Variants in CMTR1 observed in about 807,000 individuals in gnomAD.
The protein encoded by CMTR1 is cap-specific mRNA (nucleoside-2'-O-)-methyltransferase 1.
In CMTR1, 39 loss-of-function variants were observed where a neutral mutation model predicts 107.0. The observed-to-expected ratio is 0.36, with a 90% CI of 0.28 to 0.48. The LOEUF is 0.48. CMTR1 is among the 20% of genes least tolerant of loss of function. The pLI is 0.99. For missense variants in CMTR1, 672 were observed against 1,064.9 expected, an observed-to-expected ratio of 0.63 and a Z score of 5.14; for synonymous variants, 366 against 379.5, an observed-to-expected ratio of 0.96 and a Z score of 0.41.
chr6:37,436,198 T>C (rs1771527525), intron 2 of CMTR1: 1 of 155,068 alleles, frequency 6.4e-6, no homozygotes, highest in Non-Finnish European at 1.4e-5. Context: ...TCAGCGGTTG[T>C]GGTCAGAAGT....
At chr6:37,450,152 C>A in intron 4 of CMTR1, 99 bp from the exon 5 acceptor site, 2 of 1,017,164 alleles carry the variant, frequency 2.0e-6, no homozygotes, top group Non-Finnish European at 3.1e-6. Flanking sequence ...CTCGGTCTGT[C>A]TCAGTCCCTT....
At chr6:37,444,315 A>G (rs1771737319) in intron 3 of CMTR1, among the ~76,000 whole-genome samples, 165 bp downstream of exon 3, 3 of 152,254 alleles carry the variant, frequency 2.0e-5, no homozygotes, top group Admixed American at 6.5e-5. Context: ...AGAAGTATCT[A>G]TCACATTTGT....
chr6:37,479,363 A>T (rs1227098959), intron 23 of CMTR1, 108 bp downstream of exon 23: 1 of 799,348 alleles, frequency 1.3e-6, no homozygotes, highest in Non-Finnish European at 2.2e-6. Flanking sequence ...ACTGTTGCCC[A>T]TGCAGGGGTT....
At chr6:37,468,400 A>G (rs1325405875) in intron 13 of CMTR1, among the ~76,000 whole-genome samples, 1 of 152,148 alleles carries the variant, frequency 6.6e-6, no homozygotes, top group Non-Finnish European at 1.5e-5. Flanking sequence ...ATGCATGCAC[A>G]TATATATCTA....
At chr6:37,457,454 A>G (rs1481040558) in intron 8 of CMTR1, among the ~76,000 whole-genome samples, 10 of 152,136 alleles carry the variant, frequency 6.6e-5, no homozygotes, top group Non-Finnish European at 1.5e-4. Context: ...AGGAGAAGAA[A>G]AAAGGGAGTG....
At position 37,480,161 on chromosome 6, in the gene CMTR1, C is replaced by T. The variant is rs746708113; in HGVS notation, c.*16C>T. ...CAGGGCCTAAGAGCCTCAGAATGTGCCACCCCTGCAGAATGCCCTGTCATT... is the reference window on the plus strand; with the variant it reads ...CAGGGCCTAAGAGCCTCAGAATGTGTCACCCCTGCAGAATGCCCTGTCATT... On this transcript the variant is annotated 3_prime_UTR_variant, in exon 24 of 24. Transcript: ENST00000373451. 3.1e-6 allele frequency: 5 copies of T among 1,596,630 alleles called. No homozygotes were observed. The highest frequency in any genetic ancestry group is 1.7e-5 in the Admixed American group (1 of 57,874).
Position 37,462,972 on chromosome 6 carries a change from A to G in CMTR1, c.1469A>G (p.His490Arg), listed in dbSNP as rs1370775762. The change falls in exon 13 of 24, where the codon CAT (histidine) becomes CGT (arginine). Residue 490 changes from histidine to arginine, a missense_variant. His to Arg is a conservative substitution (Grantham distance 29). Around this residue, in one of 2 missense-constraint regions of CMTR1, gnomAD observed 583 missense variants for 968.4 expected, o/e 0.60. Transcript: ENST00000373451. ...CCCCTGGAGGTGATCAAGGGAGACCATGAATTTACTGACTACATGATACGG... is the reference window on the plus strand; with the variant it reads ...CCCCTGGAGGTGATCAAGGGAGACCGTGAATTTACTGACTACATGATACGG... ...VVPLEVIKGD[H>R]EFTDYMIRSN... 1 of 1,614,060 alleles carries G rather than the reference A, an allele frequency of 6.2e-7. No homozygotes were observed. The highest frequency in any genetic ancestry group is 8.5e-7 in the Non-Finnish European group (1 of 1,180,044).
In CMTR1 at chr6:37,443,917, T is replaced by C; in HGVS notation, c.134-82T>C. Reference sequence around the variant, plus strand: ...TATGTGCATTGTGTATACTGAACAGTAGTTGAATAAATGAAACTTGGATGT... The same window carrying C: ...TATGTGCATTGTGTATACTGAACAGCAGTTGAATAAATGAAACTTGGATGT... On this transcript the variant is annotated intron_variant, in intron 2 of 23. Transcript: ENST00000373451. 2.1e-6 allele frequency: 3 copies of C among 1,461,120 alleles called. 1 individual carries two copies. Among genetic ancestry groups the C allele is most frequent in the Non-Finnish European group, 2.8e-6 (3 of 1,069,652 alleles). The allele number at this position is 1,461,120 out of a possible 1,614,324, so 90.5% of individuals were successfully genotyped here. A position where few individuals can be genotyped will look rare whatever the true frequency, so the allele number is the denominator to read the frequency against.
chr6:37,453,351 G>A (rs1761225149), intron 8 of CMTR1, 39 bp downstream of exon 8: 1 of 1,578,854 alleles, frequency 6.3e-7, no homozygotes, highest in African/African-American at 1.3e-5. Context: ...ATGGTGCTAA[G>A]AGGGCTTAAG....
intron 2 of CMTR1, among the ~76,000 whole-genome samples, chr6:37,441,692 G>T (rs1235303944): frequency 6.6e-6 from 1 of 152,216 alleles, no homozygotes; most frequent in Non-Finnish European, 1.5e-5. Flanking sequence ...GATTACAGGT[G>T]TGAGCTACCG....
chr6:37,428,599 A>G (rs745326922), upstream of CMTR1, among the ~76,000 whole-genome samples: 2 of 152,114 alleles, frequency 1.3e-5, no homozygotes, highest in Non-Finnish European at 2.9e-5. Context: ...CTGGGATTAC[A>G]GATGTGTGCC....
In CMTR1 at chr6:37,458,629, C is replaced by G; in HGVS notation, c.795C>G (p.Asp265Glu). 6.2e-7 allele frequency: 1 copy of G among 1,613,448 alleles called. No homozygotes were observed. The highest frequency in any genetic ancestry group is 8.5e-7 in the Non-Finnish European group (1 of 1,180,016). The change falls in exon 9 of 24, where the codon GAC becomes GAG. Residue 265 changes from aspartate to glutamate, a missense_variant. This residue lies in a region of CMTR1 where 583 missense variants were observed against 968.4 expected (regional missense o/e 0.60). Transcript: ENST00000373451. This position sits in a 1 kb window ranked among gnomAD's most constrained non-coding sequence, Gnocchi z 4.7. ...CTTTGCAGAAGCCACTGGTGAAGGA[C>G]CGGGAAGCTGAGCTTCTGTACTTTG... ...RDSYGKPLVK[D>E]REAELLYFAD...
chr6:37,449,532 C>T (rs901747815), intron 4 of CMTR1, among the ~76,000 whole-genome samples: 6 of 152,140 alleles, frequency 3.9e-5, no homozygotes, highest in Non-Finnish European at 5.9e-5. Context: ...TGGTCTTGAA[C>T]GCCTGACCTC....
chr6:37,478,387 CG>C, intron 21 of CMTR1, 21 bp from the exon 22 acceptor site: 1 of 1,589,206 alleles, frequency 6.3e-7, no homozygotes, highest in Non-Finnish European at 8.6e-7. Context: ...CTCTCATGCA[CG>C]TACCTTCTCG....
Position 37,472,050 on chromosome 6 carries a change from G to A in CMTR1, c.1620+146G>A. On this transcript the variant is annotated intron_variant, in intron 15 of 23. Transcript: ENST00000373451. The surrounding 1 kb of genome is among the most constrained non-coding windows in gnomAD (Gnocchi z 4.1). ...CAGCATCCCAGAGGTTGACATCTCG[G>A]CATTGTTGGTAGTTACGTCCTTGGC... 1.3e-6 allele frequency: 1 copy of A among 755,072 alleles called. No homozygotes were observed. Among genetic ancestry groups the A allele is most frequent in the Admixed American group, 2.6e-5 (1 of 37,954 alleles). 46.8% of individuals were successfully genotyped at this position (755,072 alleles called of 1,614,324 possible). A position where few individuals can be genotyped will look rare whatever the true frequency, so the allele number is the denominator to read the frequency against.
At chr6:37,446,222 G>A in intron 3 of CMTR1, 69 bp from the exon 4 acceptor site, 2 of 1,509,692 alleles carry the variant, frequency 1.3e-6, no homozygotes, top group Non-Finnish European at 9.1e-7. Flanking sequence ...ACACTGTTTG[G>A]CATGTGATGG....
At chr6:37,460,092 T>C (rs990053776) in intron 10 of CMTR1, among the ~76,000 whole-genome samples, 6 of 152,202 alleles carry the variant, frequency 3.9e-5, no homozygotes, top group Non-Finnish European at 7.3e-5. Flanking sequence ...GGGAAGCCCA[T>C]TGCAGCTTTG....
intron 18 of CMTR1, among the ~76,000 whole-genome samples, chr6:37,475,071 G>A (rs1257350414): frequency 1.3e-5 from 2 of 152,220 alleles, no homozygotes; most frequent in Admixed American, 1.3e-4. Flanking sequence ...GAGTGCCATG[G>A]CAGCAGCCTC....
chr6:37,463,140 G>A (rs1761436147), intron 13 of CMTR1, 132 bp downstream of exon 13: 2 of 898,062 alleles, frequency 2.2e-6, no homozygotes, highest in Non-Finnish European at 3.5e-6. Flanking sequence ...TTGGTCTGCT[G>A]GTTTCAGGGC....
Sources: allele counts gnomAD v4.1 joint callset (sites outside exome capture counted in the v4.1 genomes callset), GRCh38; gene constraint gnomAD v4.1.1; regional missense constraint gnomAD v4.1.1; non-coding constraint Gnocchi (gnomAD v3.1); transcripts MANE v1.5; gene names NCBI Gene and HGNC (gene_info 2026-07-23, HGNC 2026-07-21).